The following RYR3 variants were observed in gnomAD, a reference collection of about 807,000 sequenced individuals.
The protein encoded by RYR3 is ryanodine receptor 3.
In RYR3, 207 loss-of-function variants were observed where a neutral mutation model predicts 584.3. The observed-to-expected ratio is 0.35, with a 90% confidence interval of 0.32 to 0.40. The LOEUF (loss-of-function observed/expected upper bound fraction) is 0.40. RYR3 is among the 10% of genes least tolerant of loss of function. RYR3 has a pLI of 1.00. For missense variants in RYR3, 5,616 were observed against 6,089.2 expected, an observed-to-expected ratio of 0.92 and a Z score of 2.59; for synonymous variants, 2,416 against 2,248.5, an observed-to-expected ratio of 1.07 and a Z score of -2.11.
At chr15:33,772,473 A>G (rs1026891145) in intron 63 of RYR3, among the ~76,000 whole-genome samples, 1 of 152,302 alleles carries the variant, frequency 6.6e-6, no homozygotes, top group Admixed American at 6.5e-5. Flanking sequence ...TGAGTAATAC[A>G]GTGGGAGATA....
Position 33,739,813 on chromosome 15 carries a change from C to T in RYR3, c.7657-19C>T, listed in dbSNP as rs200291113. The T allele has an allele frequency of 1.2e-6, 2 of 1,609,226 alleles. No homozygotes were observed. The highest frequency in any genetic ancestry group is 1.3e-5 in the African/African-American group (1 of 74,742). On this transcript the variant is annotated intron_variant, in intron 50 of 103. Transcript: ENST00000634891. ...GGTTCTGCTTTCTCTACTAATGTGGCCTTGTTTTTCCCTCACAGAAATATG... is the reference window on the plus strand; with the variant it reads ...GGTTCTGCTTTCTCTACTAATGTGGTCTTGTTTTTCCCTCACAGAAATATG...
At chr15:33,363,332 A>G (rs1432518472) in intron 1 of RYR3, among the ~76,000 whole-genome samples, 1 of 152,150 alleles carries the variant, frequency 6.6e-6, no homozygotes, top group Non-Finnish European at 1.5e-5. Context: ...TGGCTCGCTA[A>G]CATTTGTTAA....
At chr15:33,323,773 G>A (rs189813725) in intron 1 of RYR3, among the ~76,000 whole-genome samples, 275 of 152,240 alleles carry the variant, frequency 1.8e-3, no homozygotes, top group Admixed American at 3.0e-3. Context: ...AGCTGTTTGG[G>A]AGGTGGTAAC....
chr15:33,864,894 G>C (rs549548482), intron 103 of RYR3: 16 of 470,106 alleles, frequency 3.4e-5, no homozygotes, highest in African/African-American at 2.1e-4. Context: ...TTTCAGTTTT[G>C]CTTGTTTGGG....
At chr15:33,698,118 A>G in intron 40 of RYR3, 122 bp downstream of exon 40, 5 of 704,564 alleles carry the variant, frequency 7.1e-6, no homozygotes, top group Middle Eastern at 7.0e-4. Flanking sequence ...AGAGGAAGGG[A>G]TAGGCACAGT....
chr15:33,419,978 G>C (rs564925127), intron 1 of RYR3, among the ~76,000 whole-genome samples: 1 of 152,300 alleles, frequency 6.6e-6, no homozygotes, highest in East Asian at 1.9e-4. Flanking sequence ...TGCAGCTGAA[G>C]TACAACACAG....
chr15:33,594,256 C>G lies in RYR3; in HGVS notation c.1789-7163C>G, dbSNP rs145402087. On this transcript the variant is annotated intron_variant, in intron 16 of 103. Coordinates refer to ENST00000634891, the MANE Select transcript of RYR3 (RefSeq NM_001036.6). ...TCCAGTCAAAGCCTTGGTAAAATAACCAGTGTATCCAACTGTGCCCTATTA... is the reference window on the plus strand; with the variant it reads ...TCCAGTCAAAGCCTTGGTAAAATAAGCAGTGTATCCAACTGTGCCCTATTA... 5.2e-3 allele frequency among the ~76,000 whole-genome samples: 786 copies of G among 152,270 alleles called. 3 individuals are homozygous for G. The highest frequency in any genetic ancestry group is 9.1e-3 in the Non-Finnish European group (619 of 68,016).
intron 25 of RYR3, 76 bp downstream of exon 25, chr15:33,634,809 T>G: frequency 2.4e-6 from 3 of 1,231,970 alleles, no homozygotes; most frequent in Non-Finnish European, 3.6e-6. Flanking sequence ...TAACTTCAAA[T>G]AGGTCTAACT....
Position 33,815,820 on chromosome 15 carries a change from A to G in RYR3, c.10503-1042A>G, listed in dbSNP as rs548947585. On this transcript the variant is annotated intron_variant, in intron 74 of 103. Coordinates refer to ENST00000634891, the MANE Select transcript of RYR3 (RefSeq NM_001036.6). ...TGCTAGTTTTTAAAAGAAAACTTGT[A>G]TGCTTCTCTCCAGACACAAAATTAA... is the stretch of plus-strand genomic sequence containing the variant. 3 of 398,554 alleles carry G rather than the reference A, an allele frequency of 7.5e-6. No individual in the cohort carries two copies. The South Asian group carries it at 3.8e-4, about 51-fold the overall frequency. The allele number at this position is 398,554 out of a possible 1,614,324, so 24.7% of individuals were successfully genotyped here.
intron 7 of RYR3, among the ~76,000 whole-genome samples, chr15:33,542,404 G>T (rs1027363804): frequency 6.6e-6 from 1 of 151,916 alleles, no homozygotes; most frequent in African/African-American, 2.4e-5. Context: ...GGTCATGGAG[G>T]GCTTTAATTT....
intron 38 of RYR3, among the ~76,000 whole-genome samples, chr15:33,687,741 G>A (rs974901796): frequency 2.6e-5 from 4 of 152,088 alleles, no homozygotes; most frequent in Non-Finnish European, 4.4e-5. Context: ...CAGAACAGAG[G>A]CCTCAGAAAT....
intron 16 of RYR3, among the ~76,000 whole-genome samples, chr15:33,599,754 T>G (rs1426997977): frequency 6.6e-6 from 1 of 152,200 alleles, no homozygotes; most frequent in Non-Finnish European, 1.5e-5. Flanking sequence ...AAAAGGAAGT[T>G]TATCTCCATT....
At chr15:33,855,427 C>T (rs1318542070) in intron 98 of RYR3, among the ~76,000 whole-genome samples, 2 of 152,226 alleles carry the variant, frequency 1.3e-5, no homozygotes, top group South Asian at 2.1e-4. Context: ...TGGTCTCAAA[C>T]GCCTGATCTC....
rs1039342104 is a variant in RYR3, at chr15:33,729,115, C to T, written c.7203+89C>T. 22 of 1,064,968 alleles carry T rather than the reference C, an allele frequency of 2.1e-5. No homozygotes were observed. The African/African-American group carries it at 2.9e-4, about 14-fold the overall frequency. 66.0% of individuals were successfully genotyped at this position (1,064,968 alleles called of 1,614,324 possible). ...TCGAAGCAAATATTTTCTCTTTACT[C>T]ACCAATTACATTTTAATAGCTTACT... is the stretch of plus-strand genomic sequence containing the variant. On this transcript the variant is annotated intron_variant, in intron 47 of 103. Transcript: ENST00000634891.
chr15:33,829,731 A>G (rs1418854009), intron 85 of RYR3, among the ~76,000 whole-genome samples: 2 of 147,604 alleles, frequency 1.4e-5, no homozygotes, highest in Admixed American at 6.9e-5. Context: ...CAGCCTGGGC[A>G]ACAGAGCGAG....
chr15:33,603,804 C>A (rs2059784967), intron 18 of RYR3, among the ~76,000 whole-genome samples: 1 of 152,242 alleles, frequency 6.6e-6, no homozygotes, highest in Non-Finnish European at 1.5e-5. Flanking sequence ...CAAAGTCACA[C>A]TAGGAAGGAT....
chr15:33,847,832 C>G (rs16958142), intron 93 of RYR3, among the ~76,000 whole-genome samples: 1,752 of 152,248 alleles, frequency 0.012, 37 homozygotes, highest in African/African-American at 0.04. Flanking sequence ...TGACCTTCAA[C>G]GCCATGAGAT....
At chr15:33,739,103 C>T (rs1277906372) in intron 50 of RYR3, among the ~76,000 whole-genome samples, 8 of 152,202 alleles carry the variant, frequency 5.3e-5, no homozygotes, top group Admixed American at 4.6e-4. Flanking sequence ...CCAGGCCTTA[C>T]TTGAACGGTG....
intron 16 of RYR3, among the ~76,000 whole-genome samples, chr15:33,595,765 A>G (rs1306103931): frequency 6.6e-6 from 1 of 152,204 alleles, no homozygotes; most frequent in African/African-American, 2.4e-5. Flanking sequence ...ATGTTACAAG[A>G]ACTTTAAAAG....
Sources: gnomAD v4.1 joint callset for allele counts (sites outside exome capture counted in the v4.1 genomes callset) on GRCh38, gnomAD v4.1.1 for gene constraint, MANE v1.5 for transcripts, NCBI Gene and HGNC (gene_info 2026-07-23, HGNC 2026-07-21) for gene names.